The following MAN2A1 variants were observed in gnomAD, a reference collection of about 807,000 sequenced individuals.
MAN2A1 encodes the protein alpha-mannosidase 2.
A neutral mutation model predicts 142.6 loss-of-function variants in MAN2A1; 76 were observed. The ratio of observed to expected loss-of-function variants is 0.53; its 90% CI spans 0.44 to 0.65. MAN2A1 has a LOEUF of 0.65. MAN2A1 is among the 30% of genes least tolerant of loss of function. The probability of loss-of-function intolerance (pLI) is 0.00; values close to 1 mark genes in which losing one functional copy is unlikely to be tolerated. For missense variants in MAN2A1, 1,311 were observed against 1,365.1 expected, an observed-to-expected ratio of 0.96 and a Z score of 0.62; for synonymous variants, 559 against 473.2, an observed-to-expected ratio of 1.18 and a Z score of -2.35.
intron 19 of MAN2A1, among the ~76,000 whole-genome samples, chr5:109,851,694 A>G (rs1580317485): frequency 6.6e-6 from 1 of 152,110 alleles, no homozygotes; most frequent in African/African-American, 2.4e-5. Flanking sequence ...AAAAACAGGC[A>G]TTGACGGCTT....
intron 5 of MAN2A1, among the ~76,000 whole-genome samples, chr5:109,763,400 A>G (rs1752904126): frequency 1.3e-5 from 2 of 152,126 alleles, no homozygotes; most frequent in Admixed American, 1.3e-4. Flanking sequence ...TTTTAAATAT[A>G]AGGAACATAT....
intron 1 of MAN2A1, among the ~76,000 whole-genome samples, chr5:109,712,692 T>TA (rs1467684360): frequency 6.6e-6 from 1 of 152,186 alleles, no homozygotes; most frequent in Admixed American, 6.5e-5. Flanking sequence ...GCCCGTATCT[T>TA]ATGCATGTCT....
intron 9 of MAN2A1, 70 bp from the exon 10 acceptor site, chr5:109,784,674 A>G (rs1047574770): frequency 1.7e-5 from 21 of 1,219,816 alleles, no homozygotes; most frequent in East Asian, 7.5e-5. Flanking sequence ...TAAAGTATCA[A>G]TGTCACAAGT....
At chr5:109,850,943 C>T (rs925041530) in intron 19 of MAN2A1, among the ~76,000 whole-genome samples, 1 of 151,830 alleles carries the variant, frequency 6.6e-6, no homozygotes, top group Non-Finnish European at 1.5e-5. Context: ...TAAAAAGACA[C>T]TTAATTGATG....
rs562745302 is a variant in MAN2A1, at chr5:109,696,349, T to C, written c.135+5797T>C. On this transcript the variant is annotated intron_variant, in intron 1 of 21. Coordinates refer to ENST00000261483, the MANE Select transcript of MAN2A1 (RefSeq NM_002372.4). ...CTCCTGATCTCGTGATCTGCCCGCCTTGACCTCCCAACATGTTGGGATTAC... is the reference window on the plus strand; with the variant it reads ...CTCCTGATCTCGTGATCTGCCCGCCCTGACCTCCCAACATGTTGGGATTAC... 4.6e-5 allele frequency among the ~76,000 whole-genome samples: 7 copies of C among 152,336 alleles called. No individual in the cohort carries two copies. The South Asian group carries it at 1.5e-3, about 32-fold the overall frequency.
At chr5:109,787,688 G>A (rs1022378603) in intron 10 of MAN2A1, among the ~76,000 whole-genome samples, 7 of 152,032 alleles carry the variant, frequency 4.6e-5, no homozygotes, top group Middle Eastern at 6.8e-3. Context: ...CTGGTTTTAG[G>A]TGGTGGAGAA....
At chr5:109,800,843 T>TA (rs1300204046) in intron 12 of MAN2A1, among the ~76,000 whole-genome samples, 4 of 152,154 alleles carry the variant, frequency 2.6e-5, no homozygotes, top group Non-Finnish European at 5.9e-5. Context: ...AACTAATAAC[T>TA]AAAAATTGGA....
intron 1 of MAN2A1, among the ~76,000 whole-genome samples, chr5:109,699,147 A>G (rs988167814): frequency 2.6e-5 from 4 of 152,196 alleles, no homozygotes; most frequent in African/African-American, 9.7e-5. Flanking sequence ...CTTTAGGCCT[A>G]AAGTGACTCC....
intron 4 of MAN2A1, among the ~76,000 whole-genome samples, chr5:109,738,870 G>A (rs1036924816): frequency 6.6e-6 from 1 of 151,544 alleles, no homozygotes; most frequent in African/African-American, 2.4e-5. Flanking sequence ...TTTGAAACAG[G>A]GTCCCACTCT....
intron 19 of MAN2A1, among the ~76,000 whole-genome samples, chr5:109,849,940 C>G (rs1405660934): frequency 6.6e-6 from 1 of 152,136 alleles, no homozygotes; most frequent in East Asian, 1.9e-4. Context: ...TCCCCTCCTC[C>G]CCACCGCACT....
chr5:109,710,846 A>G (rs1751280657), intron 1 of MAN2A1, among the ~76,000 whole-genome samples: 1 of 152,104 alleles, frequency 6.6e-6, no homozygotes, highest in Non-Finnish European at 1.5e-5. Context: ...GCCTGCCACC[A>G]TGTCCAGCTA....
chr5:109,844,364 C>T (rs1447017608), intron 17 of MAN2A1, among the ~76,000 whole-genome samples: 6 of 152,036 alleles, frequency 3.9e-5, no homozygotes, highest in Non-Finnish European at 8.8e-5. Context: ...AGTGGGGAAT[C>T]GGGGTAGCAA....
intron 19 of MAN2A1, among the ~76,000 whole-genome samples, chr5:109,852,803 T>C (rs1419310333): frequency 1.3e-5 from 2 of 152,250 alleles, no homozygotes; most frequent in Non-Finnish European, 2.9e-5. Context: ...GTTTATCATA[T>C]GATTTACAGT....
chr5:109,769,119 T>C (rs12519608), intron 6 of MAN2A1, among the ~76,000 whole-genome samples: 4,450 of 152,258 alleles, frequency 0.029, 81 homozygotes, highest in Non-Finnish European at 0.044. Context: ...AGAAGAGTTT[T>C]AGGACTTGTG....
intron 16 of MAN2A1, among the ~76,000 whole-genome samples, chr5:109,829,259 G>A (rs529552224): frequency 6.6e-6 from 1 of 152,274 alleles, no homozygotes; most frequent in South Asian, 2.1e-4. Flanking sequence ...GTCAGGAGGA[G>A]CCAAATTAGC....
chr5:109,793,258 G>T (rs894217899), intron 12 of MAN2A1, among the ~76,000 whole-genome samples: 1 of 152,060 alleles, frequency 6.6e-6, no homozygotes, highest in Non-Finnish European at 1.5e-5. Context: ...GCCAAAATGG[G>T]TCACTCATAT....
At chr5:109,734,610 G>A (rs1260556269) in intron 4 of MAN2A1, among the ~76,000 whole-genome samples, 1 of 152,096 alleles carries the variant, frequency 6.6e-6, no homozygotes, top group Non-Finnish European at 1.5e-5. Flanking sequence ...CTTTATTTCT[G>A]CCTTCATTTT....
At chr5:109,774,633 A>T (rs749082306) in intron 7 of MAN2A1, among the ~76,000 whole-genome samples, 155 bp from the exon 8 acceptor site, 1 of 152,180 alleles carries the variant, frequency 6.6e-6, no homozygotes, top group Non-Finnish European at 1.5e-5. Context: ...ATCTGTCTTT[A>T]AATTATACTA....
Position 109,712,911 on chromosome 5 carries a change from C to T in MAN2A1, c.136-609C>T, listed in dbSNP as rs540196246. 2.0e-5 allele frequency among the ~76,000 whole-genome samples: 3 copies of T among 152,234 alleles called. No individual in the cohort carries two copies. The South Asian group carries it at 6.2e-4, about 32-fold the overall frequency. On this transcript the variant is annotated intron_variant, in intron 1 of 21. Coordinates refer to ENST00000261483, the MANE Select transcript of MAN2A1 (RefSeq NM_002372.4). The stretch of plus-strand genomic sequence containing the variant: ...GGTTTATGTTACAGAGATGGCAACC[C>T]TCTTAATGTGAGGATCAATGAAAAA...
Sources: gnomAD v4.1 joint callset for allele counts (sites outside exome capture counted in the v4.1 genomes callset) on GRCh38, gnomAD v4.1.1 for gene constraint, MANE v1.5 for transcripts, NCBI Gene and HGNC (gene_info 2026-07-23, HGNC 2026-07-21) for gene names.